The following TMEM132D variants were observed in gnomAD, a reference collection of about 807,000 sequenced individuals.
The protein encoded by TMEM132D is transmembrane protein 132D, also known as mature OL transmembrane protein.
Under a neutral mutation model 62.3 loss-of-function variants are expected in TMEM132D, and 21 were observed. The ratio of observed to expected loss-of-function variants is 0.34; its 90% CI spans 0.24 to 0.49. The LOEUF (loss-of-function observed/expected upper bound fraction) is 0.49, where lower values mean the gene tolerates loss of function less well. Among genes scored for constraint, TMEM132D ranks in the 20% least tolerant of loss-of-function variants. TMEM132D has a pLI of 0.99. For synonymous variants in TMEM132D, 621 were observed against 575.6 expected, an observed-to-expected ratio of 1.08 and a Z score of -1.13; for missense variants, 1,346 against 1,402.8, an observed-to-expected ratio of 0.96 and a Z score of 0.65.
chr12:129,139,193 T>C (rs1876666579), intron 5 of TMEM132D, among the ~76,000 whole-genome samples: 1 of 152,136 alleles, frequency 6.6e-6, no homozygotes, highest in Non-Finnish European at 1.5e-5. Flanking sequence ...CCAGAGCAAG[T>C]GATGGGCTGC....
At chr12:129,582,989 G>A (rs924379446) in intron 2 of TMEM132D, among the ~76,000 whole-genome samples, 1 of 152,066 alleles carries the variant, frequency 6.6e-6, no homozygotes, top group African/African-American at 2.4e-5. Context: ...GAGTGCAGTG[G>A]CACGAGCTCA....
chr12:129,488,127 C>T (rs771426148), intron 3 of TMEM132D, among the ~76,000 whole-genome samples: 8 of 151,910 alleles, frequency 5.3e-5, no homozygotes, highest in South Asian at 2.1e-4. Context: ...GCACCAATGC[C>T]GGCACCTTGA....
chr12:129,610,884 C>G (rs1193897491), intron 2 of TMEM132D, among the ~76,000 whole-genome samples: 3 of 152,208 alleles, frequency 2.0e-5, no homozygotes, highest in Non-Finnish European at 4.4e-5. Context: ...GTGCATTAGT[C>G]TGACACTGCA....
chr12:129,342,496 A>G (rs201747160), intron 3 of TMEM132D, among the ~76,000 whole-genome samples: 3,817 of 152,154 alleles, frequency 0.025, 197 homozygotes, highest in East Asian at 0.23. Flanking sequence ...AGGCAATACC[A>G]TTCAGGACAT....
chr12:129,800,680 G>A (rs976900915), intron 1 of TMEM132D, among the ~76,000 whole-genome samples: 1 of 152,084 alleles, frequency 6.6e-6, no homozygotes, highest in Non-Finnish European at 1.5e-5. Flanking sequence ...AACGTGATTT[G>A]CCTGTTTAAA....
At chr12:129,891,839 C>A (rs1874933701) in intron 1 of TMEM132D, among the ~76,000 whole-genome samples, 1 of 151,988 alleles carries the variant, frequency 6.6e-6, no homozygotes, top group South Asian at 2.1e-4. Context: ...AAGTTGAAAA[C>A]AAATTATAGG....
At chr12:129,408,831 T>C (rs1871876332) in intron 3 of TMEM132D, among the ~76,000 whole-genome samples, 1 of 152,258 alleles carries the variant, frequency 6.6e-6, no homozygotes, top group South Asian at 2.1e-4. Context: ...AGCCTATTTA[T>C]CTACCACACT....
At chr12:129,528,368 A>G (rs10773674) in intron 3 of TMEM132D, among the ~76,000 whole-genome samples, 101,255 of 151,374 alleles carry the variant, frequency 0.67, 34,364 homozygotes, top group African/African-American at 0.78. Context: ...TGAATACATC[A>G]TATTTTAAAA....
At chr12:129,553,074 G>A (rs1876945387) in intron 2 of TMEM132D, among the ~76,000 whole-genome samples, 1 of 152,208 alleles carries the variant, frequency 6.6e-6, no homozygotes, top group Non-Finnish European at 1.5e-5. Context: ...CACCGGAGCA[G>A]CTTCGGTTAC....
chr12:129,810,012 G>A (rs186092787), intron 1 of TMEM132D, among the ~76,000 whole-genome samples: 1 of 152,262 alleles, frequency 6.6e-6, no homozygotes, highest in Admixed American at 6.5e-5. Context: ...GGAAAAGCAC[G>A]TATAATTAGG....
At chr12:129,441,402 G>A (rs2135721300) in intron 3 of TMEM132D, among the ~76,000 whole-genome samples, 1 of 152,260 alleles carries the variant, frequency 6.6e-6, no homozygotes, top group South Asian at 2.1e-4. Context: ...CTTGTGAATG[G>A]CGCATCTCTA....
chr12:129,100,545 C>G (rs994158309), intron 5 of TMEM132D, among the ~76,000 whole-genome samples: 6 of 152,218 alleles, frequency 3.9e-5, no homozygotes, highest in African/African-American at 1.4e-4. Context: ...CAGAACTTAT[C>G]TTTCTGTCTT....
Position 129,704,118 on chromosome 12 carries a change from C to A in TMEM132D, c.80-3420G>T, listed in dbSNP as rs117948487. Among the ~76,000 whole-genome samples the A allele has an allele frequency of 2.4e-3, 358 of 152,280 alleles. 3 individuals carry two copies. Among genetic ancestry groups the A allele is most frequent in the South Asian group, 5.8e-3 (28 of 4,826 alleles). On this transcript the variant is annotated intron_variant, in intron 1 of 8. Transcript: ENST00000422113. The stretch of plus-strand genomic sequence containing the variant: ...AAACAGAAATATTCCATAGGGCATG[C>A]TTATAATTAACAATAAATATTTTTA...
chr12:129,900,932 AT>A (rs1196419374), intron 1 of TMEM132D, among the ~76,000 whole-genome samples: 2 of 152,216 alleles, frequency 1.3e-5, no homozygotes, highest in African/African-American at 2.4e-5. Flanking sequence ...TTTTTAAAAA[AT>A]ATCTACAAGA....
At chr12:129,769,351 T>G (rs1438488954) in intron 1 of TMEM132D, among the ~76,000 whole-genome samples, 1 of 152,136 alleles carries the variant, frequency 6.6e-6, no homozygotes, top group Non-Finnish European at 1.5e-5. Context: ...GAGAGCCAAG[T>G]GTAAGGCGAA....
chr12:129,828,135 GGCTAA>G (rs1474358224), intron 1 of TMEM132D, among the ~76,000 whole-genome samples: 7 of 152,074 alleles, frequency 4.6e-5, no homozygotes, highest in African/African-American at 1.7e-4. Flanking sequence ...GCAAAATAAA[GGCTAA>G]GCAGGGGGCC....
Position 129,587,681 on chromosome 12 carries a change from T to G in TMEM132D, c.969-56476A>C, listed in dbSNP as rs545593256. Among the ~76,000 whole-genome samples, 3 of 152,282 alleles carry G rather than the reference T, an allele frequency of 2.0e-5. No individual in the cohort carries two copies. The South Asian group carries it at 6.2e-4, about 32-fold the overall frequency. ...AAAATTCAAACGTGACACCTTGACA[T>G]TCACCTTAGGCCTTCTCGGCTCTCA... On this transcript the variant is annotated intron_variant, in intron 2 of 8. Coordinates refer to ENST00000422113, the MANE Select transcript of TMEM132D (RefSeq NM_133448.3).
chr12:129,726,325 G>A (rs1231581174), intron 1 of TMEM132D, among the ~76,000 whole-genome samples: 1 of 152,182 alleles, frequency 6.6e-6, no homozygotes, highest in Non-Finnish European at 1.5e-5. Flanking sequence ...CAGTGTCCCT[G>A]AGGAGGTAAC....
chr12:129,717,752 G>C (rs1209791404), intron 1 of TMEM132D, among the ~76,000 whole-genome samples: 8 of 151,888 alleles, frequency 5.3e-5, no homozygotes. Flanking sequence ...AAAATTGTTG[G>C]TTTTATCAAA....
Sources: gnomAD v4.1 joint callset for allele counts (sites outside exome capture counted in the v4.1 genomes callset) on GRCh38, gnomAD v4.1.1 for gene constraint, MANE v1.5 for transcripts, NCBI Gene and HGNC (gene_info 2026-07-23, HGNC 2026-07-21) for gene names.